SLC35D1: variants seen among roughly 807,000 people sequenced by gnomAD.
SLC35D1 encodes the protein solute carrier family 35 member D1, also known as nucleotide sugar transporter SLC35D1.
In SLC35D1, 31 loss-of-function variants were observed where a neutral mutation model predicts 46.7. The ratio of observed to expected loss-of-function variants is 0.66; its 90% CI spans 0.50 to 0.90. The LOEUF (loss-of-function observed/expected upper bound fraction) is 0.90, where lower values mean the gene tolerates loss of function less well. Among genes scored for constraint, SLC35D1 ranks in the 40% least tolerant of loss-of-function variants. The probability of loss-of-function intolerance (pLI) is 0.00; values close to 1 mark genes in which losing one functional copy is unlikely to be tolerated. For synonymous variants in SLC35D1, 195 were observed against 164.6 expected, an observed-to-expected ratio of 1.18 and a Z score of -1.41; for missense variants, 397 against 426.2, an observed-to-expected ratio of 0.93 and a Z score of 0.60.
intron 8 of SLC35D1, among the ~76,000 whole-genome samples, chr1:67,039,522 C>T (rs371342107): frequency 1.8e-3 from 78 of 42,980 alleles, no homozygotes; most frequent in African/African-American, 3.2e-3. Context: ...TGTGTGTGTG[C>T]GCGCGTGGGG....
rs1667319885 is a variant in SLC35D1 at position 67,000,638 on chromosome 1, G to A, written c.*3702C>T. Reference sequence around the variant, plus strand: ...TAATGACACGGTAGCCACATTTGCTGAGGGCCTAATATGTACCAGGCATTG... The same window carrying A: ...TAATGACACGGTAGCCACATTTGCTAAGGGCCTAATATGTACCAGGCATTG... On this transcript the variant is annotated 3_prime_UTR_variant, in exon 12 of 12. Transcript: ENST00000235345. 6.6e-6 allele frequency: 1 copy of A among 152,178 alleles called. No individual in the cohort carries two copies. The highest frequency in any genetic ancestry group is 6.5e-5 in the Admixed American group (1 of 15,272). The allele number at this position is 152,178 out of a possible 1,614,324, so 9.4% of individuals were successfully genotyped here. A position where few individuals can be genotyped will look rare whatever the true frequency, so the allele number is the denominator to read the frequency against.
chr1:66,988,977 A>T, the SLC35D1 span, among the ~76,000 whole-genome samples: 2 of 152,188 alleles, frequency 1.3e-5, no homozygotes, highest in Non-Finnish European at 2.9e-5. Context: ...CAAGAAAATG[A>T]GTTTACCTTC....
At chr1:67,022,707 C>T (rs780266946) in intron 8 of SLC35D1, among the ~76,000 whole-genome samples, 8 of 152,142 alleles carry the variant, frequency 5.3e-5, no homozygotes, top group Admixed American at 2.0e-4. Flanking sequence ...AGGTAGAATA[C>T]ATGAAAAATA....
At position 67,054,121 on chromosome 1, in the gene SLC35D1, G is replaced by C. The variant is rs1291829108; in HGVS notation, c.-108C>G. 1 of 1,137,376 alleles carries C rather than the reference G, an allele frequency of 8.8e-7. No individual in the cohort carries two copies. Among genetic ancestry groups the C allele is most frequent in the Non-Finnish European group, 1.2e-6 (1 of 816,532 alleles). The allele number at this position is 1,137,376 out of a possible 1,614,324, so 70.5% of individuals were successfully genotyped here. A position where few individuals can be genotyped will look rare whatever the true frequency, so the allele number is the denominator to read the frequency against. ...TTGGGGACCGCAGACTAGGCCAGCT[G>C]CGCGCTCGCCGCCTCGACTCCCCGC... is the stretch of plus-strand genomic sequence containing the variant. On this transcript the variant is annotated 5_prime_UTR_variant, in exon 1 of 12. Coordinates refer to ENST00000235345, the MANE Select transcript of SLC35D1 (RefSeq NM_015139.3).
At chr1:67,052,205 T>C (rs929991033) in intron 3 of SLC35D1, 126 bp from the exon 4 acceptor site, 4 of 709,670 alleles carry the variant, frequency 5.6e-6, no homozygotes, top group African/African-American at 3.6e-5. Context: ...AAATTAGTTA[T>C]CATACACAAT....
chr1:67,019,266 T>G (rs1667749401), intron 10 of SLC35D1, among the ~76,000 whole-genome samples: 1 of 152,186 alleles, frequency 6.6e-6, no homozygotes, highest in Admixed American at 6.6e-5. Flanking sequence ...GCCATCCACT[T>G]TGCCCTTGAG....
At position 66,999,826 on chromosome 1, in the gene SLC35D1, TGGAAGCAGG is replaced by T. The variant is rs1032516660; in HGVS notation, c.*4505_*4513del. The stretch of plus-strand genomic sequence containing the variant: ...CAATATATGACAACTGAGACAGGCC[TGGAAGCAGG>T]GGCAGCATGGGGTCAAGTGCTTTCA... On this transcript the variant is annotated 3_prime_UTR_variant, in exon 12 of 12. Transcript: ENST00000235345. The T allele has an allele frequency of 2.6e-5, 4 of 152,166 alleles. No homozygotes were observed. Among genetic ancestry groups the T allele is most frequent in the Non-Finnish European group, 5.9e-5 (4 of 68,054 alleles). The allele number at this position is 152,166 out of a possible 1,614,324, so 9.4% of individuals were successfully genotyped here. A position where few individuals can be genotyped will look rare whatever the true frequency, so the allele number is the denominator to read the frequency against.
intron 10 of SLC35D1, among the ~76,000 whole-genome samples, chr1:67,018,687 T>C (rs1667735067): frequency 6.6e-6 from 1 of 152,192 alleles, no homozygotes. Flanking sequence ...TTTCCCACCA[T>C]GCTGAAGAGA....
chr1:67,043,345 C>T (rs1462010858), intron 7 of SLC35D1, among the ~76,000 whole-genome samples: 2 of 151,920 alleles, frequency 1.3e-5, no homozygotes, highest in Non-Finnish European at 2.9e-5. Context: ...GTACTCCAAC[C>T]TGGGTAACAG....
At chr1:66,975,190 G>A in the SLC35D1 span, among the ~76,000 whole-genome samples, 1 of 152,154 alleles carries the variant, frequency 6.6e-6, no homozygotes, top group African/African-American at 2.4e-5. Context: ...GGATAAAGAA[G>A]TATATTGCAT....
chr1:66,986,970 T>A, the SLC35D1 span: 4 of 147,926 alleles, frequency 2.7e-5, no homozygotes, highest in African/African-American at 5.2e-5. Context: ...TTCACCTTTT[T>A]AAAAAGATGC....
At position 67,006,237 on chromosome 1, in the gene SLC35D1, G is replaced by C. The variant is rs576935976; in HGVS notation, c.960-1789C>G. ...TCCCATTTAATTTTTTCTGGAATTT[G>C]ATATGACTCTCCTAGAAACTTTTCT... On this transcript the variant is annotated intron_variant, in intron 11 of 11. Coordinates refer to ENST00000235345, the MANE Select transcript of SLC35D1 (RefSeq NM_015139.3). Among the ~76,000 whole-genome samples, 4 of 152,206 alleles carry C rather than the reference G, an allele frequency of 2.6e-5. No homozygotes were observed. In the East Asian group the frequency reaches 7.7e-4, roughly 29 times the overall value.
At chr1:67,040,129 G>A (rs1668211263) in intron 8 of SLC35D1, among the ~76,000 whole-genome samples, 1 of 151,914 alleles carries the variant, frequency 6.6e-6, no homozygotes, top group African/African-American at 2.4e-5. Flanking sequence ...CCAGTAGCTG[G>A]GACTACAGAC....
chr1:67,004,906 G>A (rs1667416389), intron 11 of SLC35D1, among the ~76,000 whole-genome samples: 3 of 152,012 alleles, frequency 2.0e-5, no homozygotes, highest in East Asian at 1.9e-4. Flanking sequence ...CAGACCCTAG[G>A]AGATTCACAG....
chr1:67,010,097 C>T (rs1186649838), intron 10 of SLC35D1, among the ~76,000 whole-genome samples: 1 of 152,142 alleles, frequency 6.6e-6, no homozygotes, highest in African/African-American at 2.4e-5. Flanking sequence ...GAAAACCAAA[C>T]ACCACCTGCT....
chr1:66,984,660 TAAG>T, the SLC35D1 span: 1 of 1,613,806 alleles, frequency 6.2e-7, no homozygotes, highest in Non-Finnish European at 8.5e-7. Flanking sequence ...CAGGTGGAAA[TAAG>T]AAACCACTTC....
At chr1:66,998,826 G>C (rs776257042), downstream of SLC35D1, among the ~76,000 whole-genome samples, 2 of 152,228 alleles carry the variant, frequency 1.3e-5, no homozygotes, top group African/African-American at 4.8e-5. Context: ...GGTTATCGAT[G>C]ACTGAGGTGA....
At chr1:67,024,040 G>A (rs1667867363) in intron 8 of SLC35D1, among the ~76,000 whole-genome samples, 1 of 151,616 alleles carries the variant, frequency 6.6e-6, no homozygotes, top group African/African-American at 2.4e-5. Flanking sequence ...CGTCTCCTGG[G>A]TTCAAGTGAT....
chr1:67,045,102 AGGAAG>A, intron 7 of SLC35D1, among the ~76,000 whole-genome samples: 2 of 152,218 alleles, frequency 1.3e-5, no homozygotes, highest in South Asian at 4.1e-4. Flanking sequence ...AGTGTTATCC[AGGAAG>A]TAGAGGATAT....
Sources: gnomAD v4.1 joint callset for allele counts (sites outside exome capture counted in the v4.1 genomes callset) on GRCh38, gnomAD v4.1.1 for gene constraint, MANE v1.5 for transcripts, NCBI Gene and HGNC (gene_info 2026-07-23, HGNC 2026-07-21) for gene names.